RPH3A: variants seen among roughly 807,000 people sequenced by gnomAD.
RPH3A encodes the protein rabphilin 3A.
In RPH3A, 48 loss-of-function variants were observed where a neutral mutation model predicts 102.2. The observed-to-expected ratio is 0.47, with a 90% CI of 0.37 to 0.60. The LOEUF (loss-of-function observed/expected upper bound fraction) is 0.60, where lower values mean the gene tolerates loss of function less well. Among genes scored for constraint, RPH3A ranks in the 20% least tolerant of loss-of-function variants. RPH3A has a pLI of 0.00. For synonymous variants in RPH3A, 310 were observed against 324.3 expected (o/e 0.96, Z 0.47); for missense variants, 781 against 910.1 (o/e 0.86, Z 1.83).
chr12:112,762,048 G>A (rs572727735), intron 1 of RPH3A, among the ~76,000 whole-genome samples: 1 of 152,338 alleles, frequency 6.6e-6, no homozygotes, highest in Admixed American at 6.5e-5. Context: ...TTACTTCATA[G>A]AGAGATGTGT....
intron 1 of RPH3A, among the ~76,000 whole-genome samples, chr12:112,680,542 A>C (rs977356065): frequency 1.3e-5 from 2 of 152,186 alleles, no homozygotes; most frequent in African/African-American, 4.8e-5. Flanking sequence ...GCTTGAAAGC[A>C]GTAGAGCTGG....
intron 2 of RPH3A, among the ~76,000 whole-genome samples, chr12:112,801,494 T>C (rs2041353091): frequency 6.6e-6 from 1 of 152,252 alleles, no homozygotes; most frequent in African/African-American, 2.4e-5. Context: ...TCTTCTCATC[T>C]GAACGATGGA....
At chr12:112,856,822 C>T (rs1423201120) in intron 5 of RPH3A, among the ~76,000 whole-genome samples, 1 of 152,222 alleles carries the variant, frequency 6.6e-6, no homozygotes, top group Non-Finnish European at 1.5e-5. Context: ...AACACTATCT[C>T]ATTTTATCTT....
intron 5 of RPH3A, among the ~76,000 whole-genome samples, chr12:112,851,408 C>T (rs1378114050): frequency 6.6e-6 from 1 of 152,184 alleles, no homozygotes; most frequent in African/African-American, 2.4e-5. Context: ...TTGGAGGGGA[C>T]ATTTTGAGAG....
At chr12:112,656,425 AG>A (rs1175232036) in intron 1 of RPH3A, among the ~76,000 whole-genome samples, 2 of 152,224 alleles carry the variant, frequency 1.3e-5, no homozygotes, top group Non-Finnish European at 2.9e-5. Flanking sequence ...TAATTCTTCC[AG>A]AACTTATCAG....
Position 112,694,039 on chromosome 12 carries a change from A to C in RPH3A, c.-139-98104A>C, listed in dbSNP as rs111800915. Among the ~76,000 whole-genome samples the C allele has an allele frequency of 7.2e-4, 109 of 152,316 alleles. 2 individuals are homozygous for C. Among genetic ancestry groups the C allele is most frequent in the African/African-American group, 2.6e-3 (108 of 41,574 alleles). ...CACTCTTACAGGAAAACTCCTCTTG[A>C]AGCTGAAAGTGTTTCATCAGCCTGT... On this transcript the variant is annotated intron_variant, in intron 1 of 21. Coordinates refer to the RPH3A transcript ENST00000543106.
At chr12:112,629,528 G>T (rs2039789329) in intron 1 of RPH3A, among the ~76,000 whole-genome samples, 1 of 146,788 alleles carries the variant, frequency 6.8e-6, no homozygotes, top group African/African-American at 2.6e-5. Context: ...GAGTGCGGTG[G>T]CACAATCACA....
intron 1 of RPH3A, among the ~76,000 whole-genome samples, chr12:112,694,633 C>T (rs1448701648): frequency 1.8e-5 from 2 of 109,520 alleles, no homozygotes; most frequent in East Asian, 4.6e-4. Flanking sequence ...GACACACGCA[C>T]GCGCGCGCGC....
intron 1 of RPH3A, among the ~76,000 whole-genome samples, chr12:112,785,659 A>G (rs1316377161): frequency 6.6e-6 from 1 of 152,178 alleles, no homozygotes; most frequent in East Asian, 1.9e-4. Context: ...AACAACAACC[A>G]TATAAGGAAG....
At chr12:112,857,932 T>G (rs1002848463) in intron 5 of RPH3A, among the ~76,000 whole-genome samples, 3 of 152,134 alleles carry the variant, frequency 2.0e-5, no homozygotes, top group Non-Finnish European at 4.4e-5. Context: ...AAACTCTCAC[T>G]GCACTGAGCC....
chr12:112,739,085 G>C (rs2040689549), intron 1 of RPH3A, among the ~76,000 whole-genome samples: 1 of 152,154 alleles, frequency 6.6e-6, no homozygotes, highest in Admixed American at 6.5e-5. Flanking sequence ...TGAAAGCCAA[G>C]AGGTCTCTGA....
chr12:112,767,292 C>T (rs964072797), intron 1 of RPH3A, among the ~76,000 whole-genome samples: 2 of 152,242 alleles, frequency 1.3e-5, no homozygotes, highest in Non-Finnish European at 2.9e-5. Flanking sequence ...GTGGGGAGGG[C>T]AATGCTATTG....
Position 112,761,761 on chromosome 12 carries a change from G to A in RPH3A, c.-139-30382G>A, listed in dbSNP as rs115674714. ...ATGTAGACCTGTGACCCACAGCTGT[G>A]CCTCTGAGGGGCTGTCTTGCATGAT... is the stretch of plus-strand genomic sequence containing the variant. On this transcript the variant is annotated intron_variant, in intron 1 of 21. Transcript: ENST00000543106. 2.5e-3 allele frequency among the ~76,000 whole-genome samples: 387 copies of A among 152,342 alleles called. 4 individuals are homozygous for A. The highest frequency in any genetic ancestry group is 9.1e-3 in the African/African-American group (379 of 41,586).
chr12:112,797,949 G>A (rs985951850), intron 2 of RPH3A, among the ~76,000 whole-genome samples: 6 of 152,238 alleles, frequency 3.9e-5, no homozygotes, highest in East Asian at 1.9e-4. Flanking sequence ...TCGGCCTACC[G>A]AAGTGCTGGG....
At chr12:112,868,640 A>G (rs762058968) in intron 8 of RPH3A, 45 bp downstream of exon 8, 11 of 1,587,570 alleles carry the variant, frequency 6.9e-6, no homozygotes, top group South Asian at 1.1e-5. Flanking sequence ...GACAGATCTT[A>G]GCCAACTGGT....
Position 112,832,235 on chromosome 12 carries a change from G to A in RPH3A, c.71+3846G>A, listed in dbSNP as rs1484448034. Among the ~76,000 whole-genome samples, 12 of 152,086 alleles carry A rather than the reference G, an allele frequency of 7.9e-5. No individual in the cohort carries two copies. The South Asian group carries it at 2.5e-3, about 32-fold the overall frequency. Reference sequence around the variant, plus strand: ...ACGTCTTTCATCCTGGCTATACTCTGTCTTAGAGCATATTAATTTGCCATT... The same window carrying A: ...ACGTCTTTCATCCTGGCTATACTCTATCTTAGAGCATATTAATTTGCCATT... On this transcript the variant is annotated intron_variant, in intron 3 of 21. Transcript: ENST00000389385.
At chr12:112,815,077 AC>A (rs2041648591) in intron 2 of RPH3A, among the ~76,000 whole-genome samples, 1 of 151,850 alleles carries the variant, frequency 6.6e-6, no homozygotes, top group Non-Finnish European at 1.5e-5. Context: ...AGAAGAATAT[AC>A]CCCAGCCTGT....
intron 1 of RPH3A, among the ~76,000 whole-genome samples, chr12:112,776,475 C>G (rs535356039): frequency 2.0e-5 from 3 of 152,122 alleles, no homozygotes; most frequent in South Asian, 2.1e-4. Context: ...GGTTAGGAAG[C>G]CTTGGTTCTA....
At chr12:112,796,611 C>T (rs1261501383) in intron 2 of RPH3A, among the ~76,000 whole-genome samples, 5 of 152,242 alleles carry the variant, frequency 3.3e-5, no homozygotes, top group African/African-American at 1.2e-4. Flanking sequence ...TTTGAAAGGA[C>T]TTGGCTCCTG....
Sources: allele counts gnomAD v4.1 joint callset (sites outside exome capture counted in the v4.1 genomes callset), GRCh38; gene constraint gnomAD v4.1.1; transcripts MANE v1.5; gene names NCBI Gene and HGNC (gene_info 2026-07-23, HGNC 2026-07-21).